RGSL1: variants seen among roughly 807,000 people sequenced by gnomAD.
The protein encoded by RGSL1 is regulator of G protein signaling protein-like.
A neutral mutation model predicts 124.7 loss-of-function variants in RGSL1; 97 were observed. The observed-to-expected ratio is 0.78, with a 90% CI of 0.66 to 0.92. The LOEUF (loss-of-function observed/expected upper bound fraction) is 0.92, where lower values mean the gene tolerates loss of function less well. RGSL1 is among the 40% of genes least tolerant of loss of function. The pLI, the probability that RGSL1 is intolerant of heterozygous loss-of-function variation, is 0.00. For synonymous variants in RGSL1, 424 were observed against 438.1 expected, an observed-to-expected ratio of 0.97 and a Z score of 0.40; for missense variants, 1,233 against 1,288.4, an observed-to-expected ratio of 0.96 and a Z score of 0.66.
chr1:182,463,957 T>C (rs1000150027), intron 4 of RGSL1, among the ~76,000 whole-genome samples: 1 of 152,210 alleles, frequency 6.6e-6, no homozygotes, highest in Non-Finnish European at 1.5e-5. Context: ...ATAGATTATA[T>C]ATTAGGCCAG....
chr1:182,479,183 G>C (rs1182541163), intron 6 of RGSL1, among the ~76,000 whole-genome samples: 1 of 151,992 alleles, frequency 6.6e-6, no homozygotes, highest in Non-Finnish European at 1.5e-5. Context: ...GTAAATATAA[G>C]GACAAACACA....
In RGSL1 at chr1:182,450,273, G is replaced by A; in HGVS notation, c.13+95G>A. On this transcript the variant is annotated intron_variant, in intron 1 of 21. Coordinates refer to ENST00000294854, the MANE Select transcript of RGSL1 (RefSeq NM_001137669.2). ...ATTGTTAATAGATCTGAGCCATTCA[G>A]GGGCACCATGGGTGACTTTTGTGTT... 7 of 1,378,158 alleles carry A rather than the reference G, an allele frequency of 5.1e-6. No individual in the cohort carries two copies. The South Asian group carries it at 7.4e-5, about 15-fold the overall frequency. The allele number at this position is 1,378,158 out of a possible 1,614,324, so 85.4% of individuals were successfully genotyped here.
At chr1:182,480,236 C>T (rs1357759369) in intron 6 of RGSL1, among the ~76,000 whole-genome samples, 1 of 152,082 alleles carries the variant, frequency 6.6e-6, no homozygotes, top group Non-Finnish European at 1.5e-5. Context: ...AGATCATGTG[C>T]TAAGTCACAA....
At chr1:182,456,453 C>A (rs536578853) in intron 2 of RGSL1, among the ~76,000 whole-genome samples, 3 of 152,116 alleles carry the variant, frequency 2.0e-5, no homozygotes, top group Admixed American at 1.3e-4. Flanking sequence ...TGCACCACCA[C>A]GCCCAGCTAA....
At chr1:182,519,076 G>A (rs1277864200) in intron 9 of RGSL1, among the ~76,000 whole-genome samples, 1 of 151,466 alleles carries the variant, frequency 6.6e-6, no homozygotes, top group Admixed American at 6.6e-5. Flanking sequence ...TTATTTTAGT[G>A]ACTACCATAT....
chr1:182,546,892 C>T (rs1266247471), intron 15 of RGSL1, among the ~76,000 whole-genome samples: 1 of 152,204 alleles, frequency 6.6e-6, no homozygotes, highest in Non-Finnish European at 1.5e-5. Flanking sequence ...GGTACACATT[C>T]ACTTCTGCTA....
chr1:182,528,595 T>C (rs1658931738), intron 11 of RGSL1, among the ~76,000 whole-genome samples: 1 of 152,168 alleles, frequency 6.6e-6, no homozygotes, highest in African/African-American at 2.4e-5. Context: ...TCAATTCCCA[T>C]GCAAGTCCAG....
At chr1:182,501,958 A>C (rs1421242959) in intron 9 of RGSL1, among the ~76,000 whole-genome samples, 2 of 152,160 alleles carry the variant, frequency 1.3e-5, no homozygotes, top group African/African-American at 4.8e-5. Context: ...AGTCAGTTTT[A>C]GAAGTTTGTG....
At chr1:182,476,675 A>G (rs1161595193) in intron 6 of RGSL1, among the ~76,000 whole-genome samples, 1 of 152,342 alleles carries the variant, frequency 6.6e-6, no homozygotes, top group African/African-American at 2.4e-5. Context: ...TTGAAAACAG[A>G]TGGCTGTCTC....
chr1:182,519,806 C>T (rs1658192044), intron 9 of RGSL1, among the ~76,000 whole-genome samples: 1 of 152,042 alleles, frequency 6.6e-6, no homozygotes, highest in South Asian at 2.1e-4. Flanking sequence ...ACTCCTAGTT[C>T]AACAATTTTC....
At chr1:182,545,762 A>G (rs1388956413) in intron 15 of RGSL1, among the ~76,000 whole-genome samples, 1 of 151,924 alleles carries the variant, frequency 6.6e-6, no homozygotes, top group African/African-American at 2.4e-5. Context: ...CCTGGCCTTT[A>G]TGGTTTCCAT....
chr1:182,495,734 T>C (rs1285958946), intron 9 of RGSL1, among the ~76,000 whole-genome samples: 1 of 152,138 alleles, frequency 6.6e-6, no homozygotes, highest in Non-Finnish European at 1.5e-5. Context: ...CAGGTTCAGC[T>C]TTTTTCCTCT....
intron 13 of RGSL1, 144 bp from the exon 14 acceptor site, chr1:182,532,518 C>G (rs780281889): frequency 1.4e-6 from 1 of 702,406 alleles, no homozygotes; most frequent in Non-Finnish European, 2.2e-6. Context: ...GTTTCCTCAC[C>G]TTTAAATTGG....
chr1:182,473,828 C>G lies in RGSL1; in HGVS notation c.717C>G (p.Cys239Trp). Residue 239 changes from cysteine (C) to tryptophan (W), a missense_variant, in exon 6 of 22, where the codon TGC becomes TGG. Transcript: ENST00000294854. Reference protein sequence around the residue: ...GLPLNMSIKKCHHFQKRYSSR... With the variant: ...GLPLNMSIKKWHHFQKRYSSR... ...CTCTGAACATGAGCATCAAGAAGTG[C>G]CACCACTTTCAGAAACGGTACTCAA... The G allele has an allele frequency of 1.3e-6, 2 of 1,551,698 alleles. No individual in the cohort carries two copies. The highest frequency in any genetic ancestry group is 1.7e-6 in the Non-Finnish European group (2 of 1,146,994).
chr1:182,540,477 C>G (rs1659825596), intron 15 of RGSL1, 56 bp downstream of exon 15: 2 of 1,485,646 alleles, frequency 1.3e-6, no homozygotes, highest in South Asian at 1.3e-5. Flanking sequence ...ATCCTTAGGA[C>G]TGCCCAGCAG....
chr1:182,528,801 G>T (rs567629095), intron 11 of RGSL1, among the ~76,000 whole-genome samples: 14 of 152,324 alleles, frequency 9.2e-5, no homozygotes, highest in Admixed American at 4.6e-4. Flanking sequence ...CTGCTGTAAA[G>T]AAATACCTGA....
chr1:182,502,345 C>T (rs910150322), intron 9 of RGSL1, among the ~76,000 whole-genome samples: 28 of 151,944 alleles, frequency 1.8e-4, no homozygotes, highest in Admixed American at 1.6e-3. Flanking sequence ...CTTTGGAGGC[C>T]GAGGCAGGAT....
intron 10 of RGSL1, among the ~76,000 whole-genome samples, chr1:182,526,502 T>TA (rs201438323): frequency 0.33 from 48,373 of 147,620 alleles, 8,149 homozygotes; most frequent in East Asian, 0.41. Flanking sequence ...ACTCCGTCTC[T>TA]AAAAAAAAAA....
intron 21 of RGSL1, among the ~76,000 whole-genome samples, chr1:182,559,847 CT>C (rs759228309): frequency 7.2e-5 from 11 of 152,296 alleles, no homozygotes; most frequent in Non-Finnish European, 1.6e-4. Context: ...ACTCTCTCCT[CT>C]TAGTTTCTGA....
Sources: allele counts gnomAD v4.1 joint callset (sites outside exome capture counted in the v4.1 genomes callset), GRCh38; gene constraint gnomAD v4.1.1; transcripts MANE v1.5; gene names NCBI Gene and HGNC (gene_info 2026-07-23, HGNC 2026-07-21).